Variants in C4orf36 observed in about 807,000 individuals in gnomAD.
C4orf36 encodes chromosome 4 open reading frame 36, also known as uncharacterized protein C4orf36.
A neutral mutation model predicts 12.2 loss-of-function variants in C4orf36; 11 were observed. The observed-to-expected ratio is 0.90, with a 90% CI of 0.57 to 1.49. C4orf36 has a LOEUF of 1.49. Ranked by LOEUF, C4orf36 falls within the 40% of genes most tolerant of loss-of-function variation. The pLI is 0.00. For synonymous variants in C4orf36, 54 were observed against 51.3 expected (o/e 1.05, Z -0.22); for missense variants, 137 against 133.9 (o/e 1.02, Z -0.11).
chr4:86,898,354 T>C, the C4orf36 span, among the ~76,000 whole-genome samples: 1 of 151,846 alleles, frequency 6.6e-6, no homozygotes, highest in Admixed American at 6.6e-5. Context: ...ATCATGCCAC[T>C]GGCCCCCAGT....
upstream of C4orf36, among the ~76,000 whole-genome samples, chr4:86,892,748 C>G (rs537896855): frequency 3.9e-5 from 6 of 152,382 alleles, no homozygotes; most frequent in Non-Finnish European, 7.3e-5. Flanking sequence ...CGTTCTCACA[C>G]TGCAGTGGGT....
At chr4:86,888,376 AT>A in intron 2 of C4orf36, 101 bp from the exon 3 acceptor site, 1 of 1,183,546 alleles carries the variant, frequency 8.4e-7, no homozygotes, top group Non-Finnish European at 1.2e-6. Context: ...GCCACTAGAC[AT>A]TTTGGTTTAT....
At chr4:86,905,916 T>C in the C4orf36 span, among the ~76,000 whole-genome samples, 1 of 152,196 alleles carries the variant, frequency 6.6e-6, no homozygotes, top group South Asian at 2.1e-4. Flanking sequence ...AGACAGGGTT[T>C]CACCATATTG....
At chr4:86,923,266 T>C in the C4orf36 span, among the ~76,000 whole-genome samples, 2 of 151,964 alleles carry the variant, frequency 1.3e-5, no homozygotes, top group Non-Finnish European at 2.9e-5. Context: ...TGTTTTTTAA[T>C]TTTTTGTAGA....
intron 2 of C4orf36, among the ~76,000 whole-genome samples, chr4:86,890,566 G>A (rs376516344): frequency 1.3e-5 from 2 of 151,856 alleles, no homozygotes; most frequent in Admixed American, 6.6e-5. Flanking sequence ...GTCTAAATAC[G>A]TACTAAACTG....
the C4orf36 span, among the ~76,000 whole-genome samples, chr4:86,912,413 T>A: frequency 1.3e-5 from 2 of 152,214 alleles, no homozygotes; most frequent in African/African-American, 2.4e-5. Flanking sequence ...ATTTAGCTAG[T>A]AAATCCAAAA....
chr4:86,881,563 T>A (rs557324544), intron 4 of C4orf36, among the ~76,000 whole-genome samples: 1 of 152,254 alleles, frequency 6.6e-6, no homozygotes, highest in African/African-American at 2.4e-5. Context: ...CGCCCCAGCC[T>A]GGGCAACAGA....
chr4:86,931,768 G>T, the C4orf36 span, among the ~76,000 whole-genome samples: 1 of 152,332 alleles, frequency 6.6e-6, no homozygotes, highest in African/African-American at 2.4e-5. Flanking sequence ...AGGTGTGGTG[G>T]CTCACGCCTG....
At chr4:86,882,851 T>C (rs1747080597) in intron 4 of C4orf36, among the ~76,000 whole-genome samples, 1 of 152,188 alleles carries the variant, frequency 6.6e-6, no homozygotes, top group Admixed American at 6.5e-5. Flanking sequence ...CTGCTGAATA[T>C]GTATTACTTT....
chr4:86,904,222 T>TGCGCCCACCCGGAACCC, the C4orf36 span, among the ~76,000 whole-genome samples: 1 of 152,146 alleles, frequency 6.6e-6, no homozygotes, highest in Non-Finnish European at 1.5e-5. Flanking sequence ...CAGCCGAGCC[T>TGCGCCCACCCGGAACCC]GCGCCCACCC....
At chr4:86,901,452 G>C in the C4orf36 span, among the ~76,000 whole-genome samples, 2 of 151,638 alleles carry the variant, frequency 1.3e-5, no homozygotes, top group Admixed American at 1.3e-4. Context: ...CTGTCGCCCA[G>C]GCTGGAGTCC....
the C4orf36 span, among the ~76,000 whole-genome samples, chr4:86,911,663 TTGTC>T: frequency 6.6e-6 from 1 of 152,168 alleles, no homozygotes; most frequent in Non-Finnish European, 1.5e-5. Flanking sequence ...CTTACATTCT[TTGTC>T]TGTCTGTCTG....
chr4:86,884,298 AATTTT>A (rs1747118731), intron 4 of C4orf36, among the ~76,000 whole-genome samples: 10 of 125,250 alleles, frequency 8.0e-5, no homozygotes, highest in Non-Finnish European at 1.2e-4. Context: ...AAAAAGACTG[AATTTT>A]TTTTTTTTTT....
At position 86,876,348 on chromosome 4, in the gene C4orf36, GCGACGGC is replaced by G. The variant is rs1746926168; in HGVS notation, c.*91_*97del. ...GCCGGGCCAGGATGGCTGCAGCGCA[GCGACGGC>G]CGGGGCCGGGAGCGGGTCCTGGGCG... On this transcript the variant is annotated 3_prime_UTR_variant, in exon 5 of 5. Coordinates refer to ENST00000295898, the MANE Select transcript of C4orf36 (RefSeq NM_144645.4). 6.4e-7 allele frequency: 1 copy of G among 1,554,730 alleles called. No homozygotes were observed. The highest frequency in any genetic ancestry group is 8.7e-7 in the Non-Finnish European group (1 of 1,152,740).
At chr4:86,898,779 C>T in the C4orf36 span, among the ~76,000 whole-genome samples, 2 of 151,948 alleles carry the variant, frequency 1.3e-5, no homozygotes, top group Non-Finnish European at 2.9e-5. Flanking sequence ...TGTGAACAGC[C>T]ACTGCCCTTC....
chr4:86,933,498 T>A, the C4orf36 span: 1 of 152,202 alleles, frequency 6.6e-6, no homozygotes, highest in Non-Finnish European at 1.5e-5. Flanking sequence ...ACTGTCAACA[T>A]CATTTACTAA....
chr4:86,927,253 C>T, the C4orf36 span, among the ~76,000 whole-genome samples: 2 of 152,196 alleles, frequency 1.3e-5, no homozygotes, highest in South Asian at 2.1e-4. Context: ...CATGGTGACT[C>T]ATGTGTGTAA....
the C4orf36 span, among the ~76,000 whole-genome samples, chr4:86,922,596 T>C: frequency 6.6e-6 from 1 of 152,174 alleles, no homozygotes; most frequent in East Asian, 1.9e-4. Context: ...AGAGAGGCAG[T>C]AGCTGCCCTT....
chr4:86,915,549 C>T, the C4orf36 span, among the ~76,000 whole-genome samples: 1 of 151,908 alleles, frequency 6.6e-6, no homozygotes, highest in South Asian at 2.1e-4. Flanking sequence ...TTTGGGAGGC[C>T]GAGGGGGGTG....
Sources: gnomAD v4.1 joint callset for allele counts (sites outside exome capture counted in the v4.1 genomes callset) on GRCh38, gnomAD v4.1.1 for gene constraint, MANE v1.5 for transcripts, NCBI Gene and HGNC (gene_info 2026-07-23, HGNC 2026-07-21) for gene names.